The following FBXW11 variants were observed in gnomAD, a reference collection of about 807,000 sequenced individuals.
FBXW11 encodes F-box and WD repeat domain containing 11.
FBXW11 carries 19 observed loss-of-function variants against 77.6 expected under a neutral mutation model. The ratio of observed to expected loss-of-function variants is 0.24; its 90% confidence interval spans 0.17 to 0.36. The LOEUF (loss-of-function observed/expected upper bound fraction) is 0.36, where lower values mean the gene tolerates loss of function less well. Among genes scored for constraint, FBXW11 ranks in the 10% least tolerant of loss-of-function variants. The pLI, the probability that FBXW11 is intolerant of heterozygous loss-of-function variation, is 1.00. For synonymous variants in FBXW11, 235 were observed against 249.4 expected (o/e 0.94, Z 0.54); for missense variants, 334 against 704.2 (o/e 0.47, Z 5.95).
At chr5:171,925,712 G>T (rs1761857192) in intron 2 of FBXW11, among the ~76,000 whole-genome samples, 1 of 152,060 alleles carries the variant, frequency 6.6e-6, no homozygotes, top group Non-Finnish European at 1.5e-5. Context: ...GTTTTTTAAT[G>T]GTATTTACTT....
chr5:171,884,777 T>C (rs936506142), intron 7 of FBXW11, among the ~76,000 whole-genome samples: 1 of 152,208 alleles, frequency 6.6e-6, no homozygotes, highest in Non-Finnish European at 1.5e-5. Context: ...GTAGTTTTCC[T>C]TGTAGAGGTC....
chr5:171,980,749 TG>T (rs869212889), intron 1 of FBXW11, among the ~76,000 whole-genome samples: 1 of 152,212 alleles, frequency 6.6e-6, no homozygotes, highest in Non-Finnish European at 1.5e-5. Flanking sequence ...ACAACCACTT[TG>T]GGAAAAGATC....
intron 2 of FBXW11, among the ~76,000 whole-genome samples, chr5:171,924,405 C>A (rs975975922): frequency 6.6e-6 from 1 of 152,176 alleles, no homozygotes; most frequent in Non-Finnish European, 1.5e-5. Context: ...ACTGCCCGCA[C>A]CTCTCCCATT....
intron 2 of FBXW11, among the ~76,000 whole-genome samples, chr5:171,929,548 T>C (rs985984688): frequency 2.0e-5 from 3 of 152,114 alleles, no homozygotes; most frequent in Non-Finnish European, 4.4e-5. Context: ...CTGCTGAATC[T>C]ACAAAATAAA....
At chr5:171,992,928 A>G (rs1434801970) in intron 1 of FBXW11, among the ~76,000 whole-genome samples, 1 of 152,126 alleles carries the variant, frequency 6.6e-6, no homozygotes, top group Non-Finnish European at 1.5e-5. Flanking sequence ...CTCAGAGTTG[A>G]AAATGAACAC....
intron 7 of FBXW11, among the ~76,000 whole-genome samples, chr5:171,883,167 T>C (rs926155901): frequency 6.6e-6 from 1 of 152,218 alleles, no homozygotes; most frequent in Non-Finnish European, 1.5e-5. Context: ...TCAGTCACAG[T>C]TTCTTTATCC....
At chr5:171,887,954 C>T (rs555796457) in intron 7 of FBXW11, among the ~76,000 whole-genome samples, 6 of 152,226 alleles carry the variant, frequency 3.9e-5, no homozygotes, top group Non-Finnish European at 8.8e-5. Context: ...CCACCACACC[C>T]GGCTTTTTCT....
chr5:171,897,812 T>C (rs1355193561), intron 6 of FBXW11, among the ~76,000 whole-genome samples: 3 of 149,764 alleles, frequency 2.0e-5, no homozygotes, highest in African/African-American at 7.4e-5. Context: ...ACATAAGAAA[T>C]GCCTTAGTAC....
Position 171,876,522 on chromosome 5 carries a change from C to G in FBXW11, c.984G>C (p.Val328=), listed in dbSNP as rs1758092851. The change falls in exon 9 of 14, where the codon GTG becomes GTC. Residue 328 remains valine, a synonymous_variant. Transcript: ENST00000517395. This position sits in a 1 kb window ranked among gnomAD's most constrained non-coding sequence, Gnocchi z 4.2. The stretch of plus-strand genomic sequence containing the variant: ...ATGTGTTAAGAACTTCACCCGTGTT[C>G]ACATCCCACACTCTAGGAGAGAAGA... ...SSDSTVRVWD[V]NTGEVLNTLI... The G allele has an allele frequency of 3.7e-6, 6 of 1,614,064 alleles. No individual in the cohort carries two copies. In the East Asian group the frequency reaches 1.3e-4, roughly 36 times the overall value.
chr5:171,935,768 T>TTTATG (rs1216268888), intron 2 of FBXW11, among the ~76,000 whole-genome samples: 3 of 151,824 alleles, frequency 2.0e-5, no homozygotes, highest in Middle Eastern at 3.4e-3. Flanking sequence ...TGCAAAAAAT[T>TTTATG]GTCAAAAAAA....
chr5:171,958,186 G>C (rs997397479), intron 1 of FBXW11, among the ~76,000 whole-genome samples: 1 of 152,168 alleles, frequency 6.6e-6, no homozygotes, highest in African/African-American at 2.4e-5. Context: ...AGGCTCAAAG[G>C]TTAAGTGATT....
intron 3 of FBXW11, among the ~76,000 whole-genome samples, chr5:171,912,271 G>A (rs1236126604): frequency 6.6e-6 from 1 of 152,194 alleles, no homozygotes; most frequent in East Asian, 1.9e-4. Flanking sequence ...CACTGTCGAG[G>A]AATGTTTCTT....
chr5:171,950,386 C>T (rs1042027292), intron 2 of FBXW11, among the ~76,000 whole-genome samples: 5 of 151,292 alleles, frequency 3.3e-5, no homozygotes, highest in Admixed American at 2.6e-4. Context: ...TTTCTATATA[C>T]ACTTTATACT....
chr5:171,886,594 A>G (rs1027586542), intron 7 of FBXW11, among the ~76,000 whole-genome samples: 3 of 151,838 alleles, frequency 2.0e-5, no homozygotes, highest in Admixed American at 6.5e-5. Context: ...AAATAAATAA[A>G]TAATAAAATA....
At chr5:171,977,601 C>T in intron 1 of FBXW11, 1 of 451,262 alleles carries the variant, frequency 2.2e-6, no homozygotes. Context: ...TGAGACTGGG[C>T]AAGTTACAAA....
At chr5:171,930,869 T>A (rs989879649) in intron 2 of FBXW11, among the ~76,000 whole-genome samples, 1 of 150,294 alleles carries the variant, frequency 6.7e-6, no homozygotes, top group Admixed American at 6.6e-5. Flanking sequence ...AAAAAGTCAA[T>A]CACTTTCCTA....
chr5:171,873,891 T>C (rs1036785622), intron 9 of FBXW11, among the ~76,000 whole-genome samples: 5 of 152,096 alleles, frequency 3.3e-5, no homozygotes, highest in African/African-American at 1.2e-4. Context: ...ATGGGATAGA[T>C]AAATAGATCT....
chr5:171,916,720 C>G (rs1241652169), intron 2 of FBXW11, among the ~76,000 whole-genome samples: 2 of 152,004 alleles, frequency 1.3e-5, no homozygotes, highest in African/African-American at 2.4e-5. Flanking sequence ...TCTTGCAAGG[C>G]CACAATGTCT....
intron 8 of FBXW11, among the ~76,000 whole-genome samples, chr5:171,877,004 G>T (rs1025738231): frequency 6.6e-6 from 1 of 152,112 alleles, no homozygotes; most frequent in Admixed American, 6.6e-5. Flanking sequence ...CCAGCCTCGG[G>T]TATTCCTTTA....
Sources: allele counts gnomAD v4.1 joint callset (sites outside exome capture counted in the v4.1 genomes callset), GRCh38; gene constraint gnomAD v4.1.1; non-coding constraint Gnocchi (gnomAD v3.1); transcripts MANE v1.5; gene names NCBI Gene and HGNC (gene_info 2026-07-23, HGNC 2026-07-21).